Variants in SHISA6 observed in about 807,000 individuals in gnomAD.
The protein encoded by SHISA6 is shisa family member 6, also known as protein shisa-6.
SHISA6 carries 22 observed loss-of-function variants against 47.9 expected under a neutral mutation model. The observed-to-expected ratio is 0.46, with a 90% CI of 0.33 to 0.66. The LOEUF is 0.66. Ranked by LOEUF, SHISA6 falls within the 30% of genes least tolerant of loss-of-function variation. SHISA6 has a pLI of 0.02. For missense variants in SHISA6, 680 were observed against 764.6 expected (o/e 0.89, Z 1.30); for synonymous variants, 388 against 337.8 (o/e 1.15, Z -1.63).
intron 3 of SHISA6, among the ~76,000 whole-genome samples, chr17:11,442,307 T>A (rs4791467): frequency 0.34 from 50,423 of 149,362 alleles, 8,590 homozygotes; most frequent in Middle Eastern, 0.46. Context: ...CTGATCCTTT[T>A]GGGTCTACCC....
chr17:11,543,922 A>C (rs1471232496), intron 3 of SHISA6, among the ~76,000 whole-genome samples: 2 of 150,160 alleles, frequency 1.3e-5, no homozygotes, highest in Non-Finnish European at 1.5e-5. Flanking sequence ...AAAAAAAAAA[A>C]AAAACAAAAA....
At chr17:11,266,019 T>G (rs1342025078) in intron 2 of SHISA6, among the ~76,000 whole-genome samples, 1 of 152,220 alleles carries the variant, frequency 6.6e-6, no homozygotes, top group Admixed American at 6.5e-5. Context: ...CATTCTCAGT[T>G]GTGATGCTTA....
chr17:11,510,724 G>GGTAAATAA (rs2071534604), intron 3 of SHISA6, among the ~76,000 whole-genome samples: 1 of 152,128 alleles, frequency 6.6e-6, no homozygotes, highest in Non-Finnish European at 1.5e-5. Context: ...CTTGGATTTG[G>GGTAAATAA]GTAAATAACA....
intron 2 of SHISA6, among the ~76,000 whole-genome samples, chr17:11,308,436 G>T (rs79294610): frequency 1.3e-5 from 2 of 152,068 alleles, no homozygotes; most frequent in African/African-American, 4.8e-5. Flanking sequence ...CAGGAGCGTG[G>T]TTTTCTCCCT....
At chr17:11,543,574 C>T (rs978423313) in intron 3 of SHISA6, among the ~76,000 whole-genome samples, 19 of 151,840 alleles carry the variant, frequency 1.3e-4, no homozygotes, top group African/African-American at 4.4e-4. Context: ...TACCAACATC[C>T]CTGCAAAATT....
chr17:11,306,340 G>A (rs1292649401), intron 2 of SHISA6, among the ~76,000 whole-genome samples: 5 of 152,118 alleles, frequency 3.3e-5, no homozygotes, highest in Non-Finnish European at 5.9e-5. Context: ...GAGCAGAGCC[G>A]AACAATTCAC....
intron 2 of SHISA6, among the ~76,000 whole-genome samples, chr17:11,286,713 G>A (rs891475051): frequency 6.6e-6 from 1 of 152,190 alleles, no homozygotes; most frequent in Non-Finnish European, 1.5e-5. Context: ...TTTATTGGGT[G>A]AAATGTCCAT....
chr17:11,519,814 C>A (rs2071614398), intron 3 of SHISA6, among the ~76,000 whole-genome samples: 1 of 152,140 alleles, frequency 6.6e-6, no homozygotes, highest in African/African-American at 2.4e-5. Flanking sequence ...GTATGCAAAT[C>A]CAGTAAATAC....
chr17:11,304,770 C>G (rs1053905087), intron 2 of SHISA6, among the ~76,000 whole-genome samples: 1 of 149,790 alleles, frequency 6.7e-6, no homozygotes, highest in Admixed American at 6.6e-5. Context: ...TAGGGAAACT[C>G]AGCCCTGAGA....
At chr17:11,503,436 G>A (rs1426309078) in intron 3 of SHISA6, among the ~76,000 whole-genome samples, 2 of 152,120 alleles carry the variant, frequency 1.3e-5, no homozygotes, top group Non-Finnish European at 1.5e-5. Flanking sequence ...ACAGAGCCCC[G>A]CCCAGCCACA....
chr17:11,343,424 A>C (rs389594), intron 2 of SHISA6, among the ~76,000 whole-genome samples: 150,989 of 152,218 alleles, frequency 0.99, 74,895 homozygotes, highest in East Asian at 1. Context: ...GGGGTGTGAT[A>C]CCAGTGAGTG....
At chr17:11,426,400 C>T (rs545782579) in intron 3 of SHISA6, among the ~76,000 whole-genome samples, 1 of 152,220 alleles carries the variant, frequency 6.6e-6, no homozygotes, top group African/African-American at 2.4e-5. Context: ...CAAGTATGAA[C>T]CATGTGATGT....
At chr17:11,282,323 A>T (rs976691796) in intron 2 of SHISA6, among the ~76,000 whole-genome samples, 4 of 152,120 alleles carry the variant, frequency 2.6e-5, no homozygotes, top group African/African-American at 9.7e-5. Flanking sequence ...ATTCAACAAG[A>T]TCGAAAGTTC....
intron 2 of SHISA6, among the ~76,000 whole-genome samples, chr17:11,322,196 A>G (rs991346773): frequency 2.0e-5 from 3 of 151,790 alleles, no homozygotes; most frequent in African/African-American, 7.3e-5. Context: ...CATAAGTTTT[A>G]CTCTTACATA....
chr17:11,296,613 G>A (rs1015339775), intron 2 of SHISA6, among the ~76,000 whole-genome samples: 4 of 152,124 alleles, frequency 2.6e-5, no homozygotes, highest in Non-Finnish European at 5.9e-5. Flanking sequence ...TACCTATAGA[G>A]CCCAGGAGCA....
intron 3 of SHISA6, among the ~76,000 whole-genome samples, chr17:11,408,715 G>C (rs1914032081): frequency 6.6e-6 from 1 of 152,200 alleles, no homozygotes; most frequent in Non-Finnish European, 1.5e-5. Flanking sequence ...TGTATTGACT[G>C]TCCTTTGCCC....
At chr17:11,477,240 T>C (rs1170020461) in intron 3 of SHISA6, among the ~76,000 whole-genome samples, 2 of 152,190 alleles carry the variant, frequency 1.3e-5, no homozygotes, top group Admixed American at 6.5e-5. Context: ...GATTGGTGCA[T>C]TTAGACCATT....
At chr17:11,394,556 A>G (rs1211595093) in intron 3 of SHISA6, among the ~76,000 whole-genome samples, 1 of 151,606 alleles carries the variant, frequency 6.6e-6, no homozygotes, top group Non-Finnish European at 1.5e-5. Flanking sequence ...TTCCTTGTAG[A>G]TCATTTGATA....
intron 3 of SHISA6, among the ~76,000 whole-genome samples, chr17:11,407,207 A>G (rs545185917): frequency 6.6e-6 from 1 of 152,000 alleles, no homozygotes; most frequent in African/African-American, 2.4e-5. Flanking sequence ...TAGTATCTGA[A>G]TTTTATAGGT....
Sources: allele counts gnomAD v4.1 joint callset (sites outside exome capture counted in the v4.1 genomes callset), GRCh38; gene constraint gnomAD v4.1.1; transcripts MANE v1.5; gene names NCBI Gene and HGNC (gene_info 2026-07-23, HGNC 2026-07-21).